MAML2: variants seen among roughly 807,000 people sequenced by gnomAD.
The protein encoded by MAML2 is mastermind like transcriptional coactivator 2, also known as mastermind-like protein 2.
MAML2 carries 22 observed loss-of-function variants against 96.1 expected under a neutral mutation model. The observed-to-expected ratio is 0.23, with a 90% CI of 0.16 to 0.33. The LOEUF (loss-of-function observed/expected upper bound fraction) is 0.33. MAML2 is among the 10% of genes least tolerant of loss of function. The probability of loss-of-function intolerance (pLI) is 1.00; values close to 1 mark genes in which losing one functional copy is unlikely to be tolerated. For missense variants in MAML2, 1,367 were observed against 1,392.4 expected (o/e 0.98, Z 0.29); for synonymous variants, 561 against 521.3 (o/e 1.08, Z -1.04).
chr11:96,118,644 T>C (rs1860285018), intron 1 of MAML2, among the ~76,000 whole-genome samples: 2 of 152,156 alleles, frequency 1.3e-5, no homozygotes, highest in Non-Finnish European at 2.9e-5. Flanking sequence ...TGAAAAGGGC[T>C]AACAGAAAAC....
chr11:96,058,348 C>T (rs1478299349), intron 2 of MAML2, among the ~76,000 whole-genome samples: 5 of 152,082 alleles, frequency 3.3e-5, no homozygotes, highest in Non-Finnish European at 1.5e-5. Flanking sequence ...GAGATGGAGT[C>T]GCACCCCGTT....
intron 1 of MAML2, among the ~76,000 whole-genome samples, chr11:96,214,262 T>C (rs999153608): frequency 6.6e-6 from 1 of 152,228 alleles, no homozygotes; most frequent in Non-Finnish European, 1.5e-5. Context: ...GCCTAGGTTA[T>C]TCTGGTAAAC....
chr11:96,006,293 T>C (rs1220546591), intron 2 of MAML2, among the ~76,000 whole-genome samples: 1 of 152,242 alleles, frequency 6.6e-6, no homozygotes, highest in African/African-American at 2.4e-5. Context: ...AAATCTTATT[T>C]ATGCAAACTA....
intron 1 of MAML2, among the ~76,000 whole-genome samples, chr11:96,168,832 C>A (rs145311414): frequency 2.0e-5 from 3 of 152,296 alleles, no homozygotes; most frequent in Admixed American, 2.0e-4. Context: ...ACACATGAGT[C>A]ATAAAGTTGT....
chr11:96,204,475 A>G (rs1453606766), intron 1 of MAML2, among the ~76,000 whole-genome samples: 1 of 152,238 alleles, frequency 6.6e-6, no homozygotes, highest in African/African-American at 2.4e-5. Flanking sequence ...AGAAAGAGCT[A>G]TCCTTTGGAA....
intron 1 of MAML2, among the ~76,000 whole-genome samples, chr11:96,289,781 C>T (rs1219497446): frequency 6.6e-6 from 1 of 152,032 alleles, no homozygotes; most frequent in Non-Finnish European, 1.5e-5. Context: ...CTAACATTCT[C>T]AGTGAACTGG....
intron 2 of MAML2, among the ~76,000 whole-genome samples, chr11:96,028,648 T>C (rs1858563268): frequency 6.6e-6 from 1 of 152,208 alleles, no homozygotes; most frequent in Non-Finnish European, 1.5e-5. Flanking sequence ...ATAACTTTTT[T>C]TCTTCTAGAA....
intron 2 of MAML2, among the ~76,000 whole-genome samples, chr11:96,064,755 C>T (rs1434572984): frequency 2.0e-5 from 3 of 152,126 alleles, no homozygotes; most frequent in African/African-American, 4.8e-5. Flanking sequence ...TTCAAAATAG[C>T]GTGTGAGGGT....
Position 96,034,326 on chromosome 11 carries a change from A to G in MAML2, c.2140-42603T>C, listed in dbSNP as rs150579937. 7.8e-3 allele frequency among the ~76,000 whole-genome samples: 1,188 copies of G among 152,208 alleles called. 10 individuals carry two copies. Among genetic ancestry groups the G allele is most frequent in the Admixed American group, 0.011 (174 of 15,284 alleles). On this transcript the variant is annotated intron_variant, in intron 2 of 4. Coordinates refer to ENST00000524717, the MANE Select transcript of MAML2 (RefSeq NM_032427.4). ...TAACAACCAATCCAGGAAGCACAGAATATGACCCCCATCTCCCTGTCCTTT... is the reference window on the plus strand; with the variant it reads ...TAACAACCAATCCAGGAAGCACAGAGTATGACCCCCATCTCCCTGTCCTTT...
chr11:96,335,453 T>C (rs1863908867), intron 1 of MAML2, among the ~76,000 whole-genome samples: 2 of 152,206 alleles, frequency 1.3e-5, no homozygotes, highest in African/African-American at 4.8e-5. Flanking sequence ...CTGCTTCTTT[T>C]ACTTCCTCTT....
chr11:96,159,841 T>C (rs1321506728), intron 1 of MAML2, among the ~76,000 whole-genome samples: 1 of 152,194 alleles, frequency 6.6e-6, no homozygotes, highest in East Asian at 1.9e-4. Flanking sequence ...TGCTATTAAG[T>C]TCCTAGGTGA....
intron 2 of MAML2, among the ~76,000 whole-genome samples, chr11:96,070,936 T>C (rs1348336205): frequency 6.6e-6 from 1 of 152,262 alleles, no homozygotes; most frequent in Non-Finnish European, 1.5e-5. Context: ...TTTTTCCTAT[T>C]GTGTATCTCT....
intron 1 of MAML2, among the ~76,000 whole-genome samples, chr11:96,192,744 T>C (rs1861672812): frequency 6.6e-6 from 1 of 152,194 alleles, no homozygotes; most frequent in Non-Finnish European, 1.5e-5. Flanking sequence ...TCCAGTCTTA[T>C]TAAGGGCAGG....
chr11:96,210,092 C>T (rs1015493440), intron 1 of MAML2, among the ~76,000 whole-genome samples: 5 of 151,966 alleles, frequency 3.3e-5, no homozygotes, highest in African/African-American at 1.2e-4. Flanking sequence ...TGTGCCTTAC[C>T]ATTTTATTTT....
intron 1 of MAML2, among the ~76,000 whole-genome samples, chr11:96,326,386 TG>T (rs1488129641): frequency 0.021 from 3,017 of 146,668 alleles, 90 homozygotes; most frequent in African/African-American, 0.072. Context: ...TGTGTGTGTG[TG>T]CATGTATGTG....
chr11:95,991,847 G>A (rs1857919199), intron 2 of MAML2, 124 bp from the exon 3 acceptor site: 1 of 723,024 alleles, frequency 1.4e-6, no homozygotes, highest in African/African-American at 1.8e-5. Flanking sequence ...ATGGTTAAAT[G>A]GGTTGGAGAT....
At chr11:96,075,574 TGTGCTGG>T (rs1268244586) in intron 2 of MAML2, among the ~76,000 whole-genome samples, 1 of 151,768 alleles carries the variant, frequency 6.6e-6, no homozygotes, top group Non-Finnish European at 1.5e-5. Context: ...TGCTAGGGAG[TGTGCTGG>T]GTGCTGGGGA....
chr11:95,991,867 G>A (rs888149855), intron 2 of MAML2, 144 bp from the exon 3 acceptor site: 70 of 666,320 alleles, frequency 1.1e-4, no homozygotes, highest in Middle Eastern at 3.6e-4. Flanking sequence ...TCAGAGAATC[G>A]CTTTTTAAAT....
chr11:96,048,964 G>C (rs773405774), intron 2 of MAML2, among the ~76,000 whole-genome samples: 2 of 152,192 alleles, frequency 1.3e-5, no homozygotes, highest in Non-Finnish European at 2.9e-5. Flanking sequence ...GCAGGAATAT[G>C]TGTTCAAGTA....
Sources: gnomAD v4.1 joint callset for allele counts (sites outside exome capture counted in the v4.1 genomes callset) on GRCh38, gnomAD v4.1.1 for gene constraint, MANE v1.5 for transcripts, NCBI Gene and HGNC (gene_info 2026-07-23, HGNC 2026-07-21) for gene names.